MID2: variants seen among roughly 807,000 people sequenced by gnomAD.
The protein encoded by MID2 is probable E3 ubiquitin-protein ligase MID2.
Under a neutral mutation model 46.1 loss-of-function variants are expected in MID2, and 13 were observed. That is an observed-to-expected ratio of 0.28 (90% CI 0.18 to 0.45). The LOEUF (loss-of-function observed/expected upper bound fraction) is 0.45, where lower values mean the gene tolerates loss of function less well. Among genes scored for constraint, MID2 ranks in the 20% least tolerant of loss-of-function variants. MID2 has a pLI of 1.00. For missense variants in MID2, 431 were observed against 575.4 expected (o/e 0.75, Z 2.57); for synonymous variants, 199 against 212.3 (o/e 0.94, Z 0.55).
chrX:107,834,480 CT>C (rs1221068827), intron 1 of MID2, among the ~76,000 whole-genome samples: 1 of 112,340 alleles, frequency 8.9e-6, no homozygotes, highest in African/African-American at 3.2e-5. Context: ...AGCATACTCT[CT>C]AACTCTGTAT....
Position 107,929,134 on chromosome X carries a change from G to A in MID2, c.*2061G>A, listed in dbSNP as rs1033381783. ...CATATGTAAACTGTCTTAGCTCAGC[G>A]CTTGACATTTCCTAAGTGTGCCATA... On this transcript the variant is annotated 3_prime_UTR_variant, in exon 10 of 10. Coordinates refer to ENST00000262843, the MANE Select transcript of MID2 (RefSeq NM_012216.4). Among the ~76,000 whole-genome samples, 2 of 111,456 alleles carry A rather than the reference G, an allele frequency of 1.8e-5. No homozygotes were observed. The highest frequency in any genetic ancestry group is 3.8e-4 in the South Asian group (1 of 2,661).
intron 1 of MID2, among the ~76,000 whole-genome samples, chrX:107,834,597 A>G (rs1931165341): frequency 8.9e-6 from 1 of 112,010 alleles, no homozygotes; most frequent in Admixed American, 9.5e-5. Context: ...ATAGGAGTCA[A>G]ATATTTTTCA....
chrX:107,870,267 A>C (rs762405313), intron 3 of MID2, among the ~76,000 whole-genome samples: 1 of 110,673 alleles, frequency 9.0e-6, no homozygotes, highest in South Asian at 3.8e-4. Flanking sequence ...ACTGAAATCA[A>C]TCTATAGCCT....
chrX:107,846,284 G>T (rs1274135269), intron 2 of MID2, among the ~76,000 whole-genome samples: 4 of 111,592 alleles, frequency 3.6e-5, no homozygotes, highest in Non-Finnish European at 7.5e-5. Flanking sequence ...GAAAAATGTT[G>T]TTTCTCACTC....
chrX:107,886,287 A>G (rs1932450729), intron 3 of MID2, among the ~76,000 whole-genome samples: 1 of 112,049 alleles, frequency 8.9e-6, no homozygotes, highest in African/African-American at 3.2e-5. Context: ...TCCATCTTGA[A>G]TTAATTTTTG....
chrX:107,882,555 C>T (rs193288396), intron 3 of MID2, among the ~76,000 whole-genome samples: 2,063 of 111,752 alleles, frequency 0.018, 52 homozygotes, highest in African/African-American at 0.063. Flanking sequence ...TATGAACAGA[C>T]ACTTCTCAAA....
chrX:107,900,456 T>C (rs1334543946), intron 3 of MID2, among the ~76,000 whole-genome samples: 2 of 111,119 alleles, frequency 1.8e-5, no homozygotes, highest in Non-Finnish European at 3.8e-5. Flanking sequence ...CTATTACTGA[T>C]ATTCTCCTTG....
intron 5 of MID2, among the ~76,000 whole-genome samples, chrX:107,906,326 G>A (rs1569469952): frequency 9.0e-6 from 1 of 111,129 alleles, no homozygotes; most frequent in Non-Finnish European, 1.9e-5. Context: ...GGCTCGCAGT[G>A]TTCCTCCCAT....
At chrX:107,849,960 A>G (rs1032705918) in intron 2 of MID2, among the ~76,000 whole-genome samples, 2 of 111,707 alleles carry the variant, frequency 1.8e-5, no homozygotes, top group Non-Finnish European at 3.8e-5. Flanking sequence ...CTACCAGCAG[A>G]TATCTCCATT....
At chrX:107,845,728 C>T (rs1418941482) in intron 2 of MID2, among the ~76,000 whole-genome samples, 1 of 110,729 alleles carries the variant, frequency 9.0e-6, no homozygotes, top group Non-Finnish European at 1.9e-5. Flanking sequence ...TTCAGTCACT[C>T]TGTCATCCAC....
intron 1 of MID2, among the ~76,000 whole-genome samples, chrX:107,839,692 A>T (rs1310934722): frequency 8.9e-6 from 1 of 111,872 alleles, no homozygotes; most frequent in Non-Finnish European, 1.9e-5. Flanking sequence ...TTACTCACTG[A>T]TGCTCACTAA....
chrX:107,858,862 T>C (rs925617908), intron 3 of MID2, among the ~76,000 whole-genome samples: 2 of 112,265 alleles, frequency 1.8e-5, no homozygotes, highest in African/African-American at 6.5e-5. Context: ...AGAAGCTCCA[T>C]GGGCAGGTTG....
intron 5 of MID2, among the ~76,000 whole-genome samples, chrX:107,913,206 C>G (rs1932917753): frequency 9.0e-6 from 1 of 111,729 alleles, no homozygotes; most frequent in Admixed American, 9.5e-5. Flanking sequence ...ATATTATACT[C>G]TACATTTGAA....
Position 107,928,413 on chromosome X carries a change from T to C in MID2, c.*1340T>C, listed in dbSNP as rs756657123. Among the ~76,000 whole-genome samples the C allele has an allele frequency of 9.0e-6, 1 of 111,299 alleles. No homozygotes were observed. The highest frequency in any genetic ancestry group is 9.5e-5 in the Admixed American group (1 of 10,483). On this transcript the variant is annotated 3_prime_UTR_variant, in exon 10 of 10. Transcript: ENST00000262843. ...GCCTTGTAGTCTATGATTTTTTTTT[T>C]TAAATTTCCATCGAAGGGATTGGGG... is the stretch of plus-strand genomic sequence containing the variant.
At chrX:107,828,415 A>G (rs776212808) in intron 1 of MID2, among the ~76,000 whole-genome samples, 11 of 104,526 alleles carry the variant, frequency 1.1e-4, no homozygotes, top group Non-Finnish European at 1.9e-4. Flanking sequence ...GGGCTTAAGC[A>G]ATCCTTCTCC....
At position 107,885,833 on chromosome X, in the gene MID2, G is replaced by A. The variant is rs1421609211; in HGVS notation, c.817-18125G>A. ...GCCATTCTAACTGGTGTGAGATGGT[G>A]TCTCATTGTGGTTTTGATTTGCATT... On this transcript the variant is annotated intron_variant, in intron 3 of 9. Coordinates refer to ENST00000262843, the MANE Select transcript of MID2 (RefSeq NM_012216.4). Among the ~76,000 whole-genome samples, 8 of 111,730 alleles carry A rather than the reference G, an allele frequency of 7.2e-5. No homozygotes were observed. The South Asian group carries it at 1.1e-3, about 16-fold the overall frequency.
chrX:107,875,455 G>A (rs1346512294), intron 3 of MID2, among the ~76,000 whole-genome samples: 1 of 111,532 alleles, frequency 9.0e-6, no homozygotes, highest in African/African-American at 3.3e-5. Context: ...CCTAACTTCT[G>A]GTTTCAGGGG....
chrX:107,903,969 T>C lies in MID2; in HGVS notation c.828T>C (p.Ala276=), dbSNP rs1717724569. 1 of 1,203,215 alleles carries C rather than the reference T, an allele frequency of 8.3e-7. No individual in the cohort carries two copies. The highest frequency in any genetic ancestry group is 1.1e-6 in the Non-Finnish European group (1 of 887,704). ...AAATTTCTTGGCAGGTGAATACTGC[T>C]ATGCATGAGGCAAAACTTATGGAAG... ...QICQQVEVNT[A]MHEAKLMEEC... Residue 276 remains alanine (A), a synonymous_variant, in exon 4 of 10, where the codon GCT becomes GCC. Coordinates refer to ENST00000262843, the MANE Select transcript of MID2 (RefSeq NM_012216.4).
At chrX:107,917,137 G>A (rs1376773988) in intron 6 of MID2, among the ~76,000 whole-genome samples, 3 of 109,716 alleles carry the variant, frequency 2.7e-5, no homozygotes, top group African/African-American at 1.0e-4. Flanking sequence ...GCAAAAATCT[G>A]TCTATATATA....
Sources: allele counts gnomAD v4.1 joint callset (sites outside exome capture counted in the v4.1 genomes callset), GRCh38; gene constraint gnomAD v4.1.1; transcripts MANE v1.5; gene names NCBI Gene and HGNC (gene_info 2026-07-23, HGNC 2026-07-21).